FKBP15: variants seen among roughly 807,000 people sequenced by gnomAD.
FKBP15 encodes FKBP prolyl isomerase family member 15.
A neutral mutation model predicts 158.1 loss-of-function variants in FKBP15; 106 were observed. The observed-to-expected ratio is 0.67, with a 90% CI of 0.57 to 0.79. The LOEUF (loss-of-function observed/expected upper bound fraction) is 0.79, where lower values mean the gene tolerates loss of function less well. FKBP15 is among the 30% of genes least tolerant of loss of function. The pLI is 0.00. For synonymous variants in FKBP15, 547 were observed against 548.6 expected, an observed-to-expected ratio of 1.00 and a Z score of 0.04; for missense variants, 1,287 against 1,479.1, an observed-to-expected ratio of 0.87 and a Z score of 2.13.
intron 21 of FKBP15, among the ~76,000 whole-genome samples, chr9:113,175,342 C>T (rs1830283722): frequency 6.6e-6 from 1 of 151,994 alleles, no homozygotes; most frequent in African/African-American, 2.4e-5. Context: ...AAACTGAAAA[C>T]AGCCAAGAGG....
At chr9:113,209,006 CAA>C (rs5900044) in intron 2 of FKBP15, among the ~76,000 whole-genome samples, 33,624 of 97,644 alleles carry the variant, frequency 0.34, 3,601 homozygotes, top group Middle Eastern at 0.42. Flanking sequence ...GACTCCATCT[CAA>C]AAAAAAAAAA....
At chr9:113,206,651 T>C in intron 3 of FKBP15, 73 bp from the exon 4 acceptor site, 1 of 1,087,272 alleles carries the variant, frequency 9.2e-7, no homozygotes, top group South Asian at 1.3e-5. Context: ...TTTTCTGTCA[T>C]ACAGAAGTGG....
At chr9:113,176,502 C>T in intron 21 of FKBP15, 35 bp downstream of exon 21, 2 of 1,538,976 alleles carry the variant, frequency 1.3e-6, no homozygotes, top group Non-Finnish European at 1.8e-6. Flanking sequence ...GTTTATTAAA[C>T]AGCTAATTCT....
In FKBP15 at chr9:113,163,058, C is replaced by A; in HGVS notation, c.*3020G>T. ...CCTGGAAACTTTGAGCTGAAGCCAG[C>A]ACTTGCTCCCTGGAGTTCGGAAGCC... On this transcript the variant is annotated 3_prime_UTR_variant, in exon 28 of 28. Transcript: ENST00000238256. 1.3e-6 allele frequency: 1 copy of A among 779,104 alleles called. No homozygotes were observed. 48.3% of individuals were successfully genotyped at this position (779,104 alleles called of 1,614,324 possible).
At chr9:113,200,371 T>C (rs1564177728) in intron 6 of FKBP15, among the ~76,000 whole-genome samples, 1 of 152,218 alleles carries the variant, frequency 6.6e-6, no homozygotes, top group Non-Finnish European at 1.5e-5. Context: ...ACTGATTTAC[T>C]GTTTCAGTGT....
chr9:113,171,878 T>C lies in FKBP15; in HGVS notation c.2533-172A>G, dbSNP rs141395374. Among the ~76,000 whole-genome samples, 94 of 152,078 alleles carry C rather than the reference T, an allele frequency of 6.2e-4. 1 individual carries two copies. Among genetic ancestry groups the C allele is most frequent in the African/African-American group, 2.2e-3 (91 of 41,498 alleles). On this transcript the variant is annotated intron_variant, in intron 23 of 27. Transcript: ENST00000238256. ...TTTATTATTATTATACTTTAAGTTCTAGGGCACATGTGCACAATGTGCAGG... is the reference window on the plus strand; with the variant it reads ...TTTATTATTATTATACTTTAAGTTCCAGGGCACATGTGCACAATGTGCAGG...
intron 4 of FKBP15, among the ~76,000 whole-genome samples, chr9:113,204,285 G>A (rs1239841259): frequency 1.3e-5 from 2 of 152,194 alleles, no homozygotes; most frequent in Non-Finnish European, 2.9e-5. Context: ...TCTCCATGTT[G>A]GTCAGGCTGG....
chr9:113,173,090 T>G (rs1409889767), intron 23 of FKBP15, among the ~76,000 whole-genome samples: 1 of 152,222 alleles, frequency 6.6e-6, no homozygotes, highest in Non-Finnish European at 1.5e-5. Context: ...CACCTATCTT[T>G]GTTTCTTTGT....
At chr9:113,214,581 C>T (rs4571803) in intron 1 of FKBP15, among the ~76,000 whole-genome samples, 1 of 152,040 alleles carries the variant, frequency 6.6e-6, no homozygotes, top group Non-Finnish European at 1.5e-5. Context: ...TAGCATAATG[C>T]CTAAGGGCCC....
chr9:113,201,696 CT>C (rs1374150330), intron 6 of FKBP15, among the ~76,000 whole-genome samples: 2 of 152,210 alleles, frequency 1.3e-5, no homozygotes, highest in Non-Finnish European at 2.9e-5. Context: ...TGATCTCAGA[CT>C]TTCAGCCTCG....
intron 4 of FKBP15, among the ~76,000 whole-genome samples, chr9:113,203,597 G>A (rs10817457): frequency 0.31 from 46,448 of 150,272 alleles, 7,229 homozygotes; most frequent in East Asian, 0.34. Context: ...GCGCAATCTC[G>A]GCTCACTGCA....
rs962095213 is a variant in FKBP15 at position 113,163,359 on chromosome 9, A to G, written c.*2719T>C. ...GGAGCATCGCCCATTGGACTTCCTG[A>G]CCTCTTCTGTCTTTGAGGGACAGAG... On this transcript the variant is annotated 3_prime_UTR_variant, in exon 28 of 28. Coordinates refer to ENST00000238256, the MANE Select transcript of FKBP15 (RefSeq NM_015258.2). The G allele has an allele frequency of 2.0e-5, 3 of 153,588 alleles. No homozygotes were observed. The highest frequency in any genetic ancestry group is 7.2e-5 in the African/African-American group (3 of 41,466). The allele number at this position is 153,588 out of a possible 1,614,324, so 9.5% of individuals were successfully genotyped here.
chr9:113,188,304 T>G, intron 13 of FKBP15, 85 bp downstream of exon 13: 2 of 1,052,998 alleles, frequency 1.9e-6, no homozygotes, highest in South Asian at 2.7e-5. Flanking sequence ...ACTGAAACAA[T>G]GCAGCCTAAC....
intron 9 of FKBP15, among the ~76,000 whole-genome samples, chr9:113,195,257 C>A (rs1830653744): frequency 6.6e-6 from 1 of 152,160 alleles, no homozygotes; most frequent in Non-Finnish European, 1.5e-5. Flanking sequence ...AGTTTATACA[C>A]CACAGTAGTG....
intron 20 of FKBP15, 144 bp from the exon 21 acceptor site, chr9:113,176,817 T>C (rs898702212): frequency 7.4e-6 from 6 of 811,936 alleles, no homozygotes; most frequent in African/African-American, 7.0e-5. Context: ...GGTGTGATCA[T>C]AGCTCACTAT....
Position 113,171,605 on chromosome 9 carries a change from A to C in FKBP15, c.2634T>G (p.Ala878=), listed in dbSNP as rs1128118. The C allele has an allele frequency of 0.069, 110,133 of 1,606,678 alleles. 4,436 individuals carry two copies. The highest frequency in any genetic ancestry group is 0.14 in the South Asian group (12,565 of 89,348). Residue 878 remains alanine (A), a synonymous_variant, in exon 24 of 28, where the codon GCT becomes GCG. Transcript: ENST00000238256. ...KNKSQMSGVE[A]AASDPSEKVK... Reference sequence around the variant, plus strand: ...CCTTCTCTGAGGGGTCAGATGCAGCAGCTTCAACCCCAGACATCTGGGACT... The same window carrying C: ...CCTTCTCTGAGGGGTCAGATGCAGCCGCTTCAACCCCAGACATCTGGGACT...
intron 11 of FKBP15, among the ~76,000 whole-genome samples, chr9:113,192,159 T>C (rs1270713564): frequency 6.6e-6 from 1 of 152,212 alleles, no homozygotes; most frequent in African/African-American, 2.4e-5. Flanking sequence ...TGGACCATTT[T>C]TGTGACTGTT....
chr9:113,199,931 G>C lies in FKBP15; in HGVS notation c.531C>G (p.Ser177=), dbSNP rs1210738508. The change falls in exon 7 of 28, where the codon TCC becomes TCG. Residue 177 remains serine, a synonymous_variant. Transcript: ENST00000238256. ...GGTCCTGGGAGAGCACTGCATCCAG[G>C]GAAGAGGTACTGTTGCACTTAGCAA... ...VCIAKCNSTS[S]LDAVLSQDLI... The C allele has an allele frequency of 6.2e-7, 1 of 1,613,276 alleles. No homozygotes were observed.
In FKBP15 at chr9:113,168,536, T is replaced by C. The variant is rs184762226; in HGVS notation, c.3506A>G (p.Asp1169Gly). ...CAGAGTTGCCCCTTTAAACAGTTCATCCTCTTCATCCCCAGAGAGACTGAA... is the reference window on the plus strand; with the variant it reads ...CAGAGTTGCCCCTTTAAACAGTTCACCCTCTTCATCCCCAGAGAGACTGAA... The part of the protein sequence containing the change: ...QRSSLSGDEE[D>G]ELFKGATLKA... Residue 1169 changes from aspartate to glycine, a missense_variant, in exon 27 of 28, where the codon GAT becomes GGT. Physicochemically the swap from Asp to Gly is moderately conservative, Grantham distance 94. Transcript: ENST00000238256. 6.1e-5 allele frequency: 98 copies of C among 1,613,892 alleles called. 1 individual carries two copies. In the Middle Eastern group the frequency reaches 6.6e-4, roughly 11 times the overall value.
Sources: gnomAD v4.1 joint callset for allele counts (sites outside exome capture counted in the v4.1 genomes callset) on GRCh38, gnomAD v4.1.1 for gene constraint, MANE v1.5 for transcripts, NCBI Gene and HGNC (gene_info 2026-07-23, HGNC 2026-07-21) for gene names.